Variants in SNAP25 observed in about 807,000 individuals in gnomAD.
The protein encoded by SNAP25 is synaptosomal-associated protein 25.
Under a neutral mutation model 28.7 loss-of-function variants are expected in SNAP25, and 3 were observed. That is an observed-to-expected ratio of 0.10 (90% CI 0.05 to 0.27). The LOEUF (loss-of-function observed/expected upper bound fraction) is 0.27, where lower values mean the gene tolerates loss of function less well. Ranked by LOEUF, SNAP25 falls within the 10% of genes least tolerant of loss-of-function variation. SNAP25 has a pLI of 1.00. For synonymous variants in SNAP25, 61 were observed against 88.1 expected (o/e 0.69, Z 1.72); for missense variants, 117 against 278.7 (o/e 0.42, Z 4.13).
chr20:10,253,412 T>C (rs982702148), intron 1 of SNAP25, among the ~76,000 whole-genome samples: 2 of 152,220 alleles, frequency 1.3e-5, no homozygotes, highest in Admixed American at 1.3e-4. Context: ...ACTAGCTATG[T>C]GACTCTAGGC....
chr20:10,264,286 G>T (rs2063469311), intron 1 of SNAP25, among the ~76,000 whole-genome samples: 1 of 152,104 alleles, frequency 6.6e-6, no homozygotes, highest in African/African-American at 2.4e-5. Flanking sequence ...GAAGAAACCA[G>T]ATCAAGACTG....
At chr20:10,236,975 A>AATAT (rs2062934710) in intron 1 of SNAP25, among the ~76,000 whole-genome samples, 1 of 151,406 alleles carries the variant, frequency 6.6e-6, no homozygotes, top group Non-Finnish European at 1.5e-5. Flanking sequence ...TAAATAAATA[A>AATAT]ATAAATAAAT....
At chr20:10,305,584 C>A (rs1393538461) in intron 7 of SNAP25, among the ~76,000 whole-genome samples, 1 of 152,094 alleles carries the variant, frequency 6.6e-6, no homozygotes, top group Non-Finnish European at 1.5e-5. Flanking sequence ...TGGATCCACA[C>A]CATTCAAACC....
At chr20:10,251,889 G>A (rs1156306678) in intron 1 of SNAP25, among the ~76,000 whole-genome samples, 1 of 152,200 alleles carries the variant, frequency 6.6e-6, no homozygotes, top group Non-Finnish European at 1.5e-5. Context: ...AATCTGGGGA[G>A]ATGGAAAGAA....
intron 1 of SNAP25, among the ~76,000 whole-genome samples, chr20:10,260,330 C>T (rs933375348): frequency 6.6e-6 from 1 of 152,114 alleles, no homozygotes. Context: ...AGTTGGAAAA[C>T]TTGTTCTATA....
At chr20:10,245,374 G>C (rs2063108671) in intron 1 of SNAP25, among the ~76,000 whole-genome samples, 1 of 152,040 alleles carries the variant, frequency 6.6e-6, no homozygotes, top group African/African-American at 2.4e-5. Context: ...AAAGAACCTG[G>C]ACCACTCAAA....
At chr20:10,265,219 A>G (rs1307764642) in intron 1 of SNAP25, among the ~76,000 whole-genome samples, 1 of 152,222 alleles carries the variant, frequency 6.6e-6, no homozygotes, top group Non-Finnish European at 1.5e-5. Flanking sequence ...TACAATAACA[A>G]GGAGCCAAGT....
Position 10,293,405 on chromosome 20 carries a change from T to C in SNAP25, c.281+127T>C. ...GCATGCAGAACAGATCAATACCGTCTCCAATGCATTCATCTCATAGCATAG... is the reference window on the plus strand; with the variant it reads ...GCATGCAGAACAGATCAATACCGTCCCCAATGCATTCATCTCATAGCATAG... On this transcript the variant is annotated intron_variant, in intron 5 of 7. Coordinates refer to ENST00000254976, the MANE Select transcript of SNAP25 (RefSeq NM_130811.4). This position sits in a 1 kb window ranked among gnomAD's most constrained non-coding sequence, Gnocchi z 5.6. 4.5e-6 allele frequency: 3 copies of C among 671,006 alleles called. No homozygotes were observed. Among genetic ancestry groups the C allele is most frequent in the Non-Finnish European group, 8.0e-6 (3 of 375,402 alleles). The allele number at this position is 671,006 out of a possible 1,614,324, so 41.6% of individuals were successfully genotyped here.
At chr20:10,301,887 ATATTATATG>A (rs2064247446) in intron 7 of SNAP25, among the ~76,000 whole-genome samples, 1 of 144,432 alleles carries the variant, frequency 6.9e-6, no homozygotes, top group Admixed American at 6.9e-5. Context: ...TATAATATAT[ATATTATATG>A]TATATGGTTA....
At chr20:10,247,014 A>G (rs2063141106) in intron 1 of SNAP25, among the ~76,000 whole-genome samples, 1 of 152,206 alleles carries the variant, frequency 6.6e-6, no homozygotes, top group Non-Finnish European at 1.5e-5. Flanking sequence ...TAAAGAAGTT[A>G]GACACTGCTT....
chr20:10,291,743 A>G (rs151136673), intron 4 of SNAP25, among the ~76,000 whole-genome samples: 227 of 152,334 alleles, frequency 1.5e-3, no homozygotes, highest in Non-Finnish European at 2.3e-3. Context: ...TATCAGTTGT[A>G]TTCTAGGCAT....
At chr20:10,297,532 T>C (rs2123146951) in intron 6 of SNAP25, among the ~76,000 whole-genome samples, 1 of 152,272 alleles carries the variant, frequency 6.6e-6, no homozygotes, top group South Asian at 2.1e-4. Context: ...GCAGGACTAA[T>C]AACAAGGAAT....
At chr20:10,232,016 C>T (rs2062837122) in intron 1 of SNAP25, among the ~76,000 whole-genome samples, 1 of 152,130 alleles carries the variant, frequency 6.6e-6, no homozygotes, top group Non-Finnish European at 1.5e-5. Flanking sequence ...AAATGTTGAG[C>T]AGTCAAGCCA....
chr20:10,269,619 C>A (rs1442212178), intron 1 of SNAP25, among the ~76,000 whole-genome samples: 1 of 152,158 alleles, frequency 6.6e-6, no homozygotes, highest in African/African-American at 2.4e-5. Flanking sequence ...CAAATATTTT[C>A]TGCATAGAAC....
intron 1 of SNAP25, among the ~76,000 whole-genome samples, chr20:10,274,183 T>C (rs556533946): frequency 6.6e-6 from 1 of 152,276 alleles, no homozygotes; most frequent in South Asian, 2.1e-4. Flanking sequence ...ACCCAGTCCT[T>C]GTACCTGTCA....
intron 1 of SNAP25, among the ~76,000 whole-genome samples, chr20:10,268,616 T>C (rs1471781078): frequency 6.6e-6 from 1 of 152,038 alleles, no homozygotes; most frequent in Non-Finnish European, 1.5e-5. Flanking sequence ...GGCCCTAAAC[T>C]CATATTTCAG....
chr20:10,281,000 T>C (rs548589150), intron 3 of SNAP25, among the ~76,000 whole-genome samples: 6 of 152,274 alleles, frequency 3.9e-5, no homozygotes, highest in Admixed American at 1.3e-4. Flanking sequence ...TGTTTTAGAC[T>C]TTGGGAAAAG....
chr20:10,222,643 A>G (rs1568567502), intron 1 of SNAP25, among the ~76,000 whole-genome samples: 1 of 152,338 alleles, frequency 6.6e-6, no homozygotes, highest in East Asian at 1.9e-4. Flanking sequence ...AGCTGATATA[A>G]CAAAGTAACC....
chr20:10,264,435 G>A (rs2063472153), intron 1 of SNAP25, among the ~76,000 whole-genome samples: 1 of 152,216 alleles, frequency 6.6e-6, no homozygotes, highest in African/African-American at 2.4e-5. Flanking sequence ...GACACTGTGG[G>A]AGAGGGTGAC....
Sources: gnomAD v4.1 joint callset for allele counts (sites outside exome capture counted in the v4.1 genomes callset) on GRCh38, gnomAD v4.1.1 for gene constraint, Gnocchi (gnomAD v3.1) non-coding constraint, MANE v1.5 for transcripts, NCBI Gene and HGNC (gene_info 2026-07-23, HGNC 2026-07-21) for gene names.